FGGY: variants seen among roughly 807,000 people sequenced by gnomAD.
FGGY encodes the protein FGGY carbohydrate kinase domain containing, also known as FGGY carbohydrate kinase domain-containing protein.
Under a neutral mutation model 71.3 loss-of-function variants are expected in FGGY, and 72 were observed. The ratio of observed to expected loss-of-function variants is 1.01; its 90% CI spans 0.84 to 1.23. FGGY has a LOEUF of 1.23. Ranked by LOEUF, FGGY falls within the 50% of genes most tolerant of loss-of-function variation. FGGY has a pLI of 0.00. For synonymous variants in FGGY, 251 were observed against 250.3 expected (o/e 1.00, Z -0.02); for missense variants, 668 against 682.3 (o/e 0.98, Z 0.23).
chr1:59,440,111 A>AAC (rs1491009686), intron 5 of FGGY, among the ~76,000 whole-genome samples: 2 of 145,786 alleles, frequency 1.4e-5, no homozygotes, highest in Non-Finnish European at 3.0e-5. Context: ...AAAAAAAAAA[A>AAC]ACGGAAATGA....
chr1:59,693,015 A>G (rs1001898926), intron 14 of FGGY, among the ~76,000 whole-genome samples: 1 of 152,246 alleles, frequency 6.6e-6, no homozygotes. Flanking sequence ...GATAGTTATC[A>G]TTAATTTTAT....
intron 14 of FGGY, among the ~76,000 whole-genome samples, chr1:59,681,658 C>T (rs181140729): frequency 3.0e-4 from 45 of 151,886 alleles, no homozygotes; most frequent in African/African-American, 1.1e-3. Context: ...TTTTTCTTTA[C>T]ACTAAAATAA....
chr1:59,338,429 T>G (rs2050022519), intron 2 of FGGY, among the ~76,000 whole-genome samples: 1 of 152,180 alleles, frequency 6.6e-6, no homozygotes, highest in Non-Finnish European at 1.5e-5. Context: ...TCCTTAAATG[T>G]TTGATAAAAT....
chr1:59,650,064 C>T (rs1271730806), intron 11 of FGGY, among the ~76,000 whole-genome samples: 3 of 148,398 alleles, frequency 2.0e-5, no homozygotes, highest in Admixed American at 6.6e-5. Flanking sequence ...TATTGATTTG[C>T]GTATATTGAA....
chr1:59,522,051 G>A (rs954243025), intron 7 of FGGY, among the ~76,000 whole-genome samples: 10 of 152,122 alleles, frequency 6.6e-5, no homozygotes, highest in African/African-American at 1.4e-4. Context: ...CCTACCAATC[G>A]TTGAATACCT....
intron 14 of FGGY, among the ~76,000 whole-genome samples, chr1:59,709,996 T>C (rs1054622419): frequency 7.2e-5 from 11 of 152,122 alleles, no homozygotes; most frequent in African/African-American, 2.2e-4. Flanking sequence ...ACACCTATGC[T>C]CATCTTTATG....
At chr1:59,468,871 T>TC (rs1481370071) in intron 6 of FGGY, among the ~76,000 whole-genome samples, 1 of 141,800 alleles carries the variant, frequency 7.1e-6, no homozygotes, top group African/African-American at 2.7e-5. Context: ...GACTCTGTCT[T>TC]TAAAAAAAAA....
At chr1:59,347,762 A>G (rs2052382603) in intron 4 of FGGY, among the ~76,000 whole-genome samples, 1 of 152,174 alleles carries the variant, frequency 6.6e-6, no homozygotes, top group East Asian at 1.9e-4. Flanking sequence ...TATGGAGAAA[A>G]CTGAAACTGG....
intron 5 of FGGY, among the ~76,000 whole-genome samples, chr1:59,435,907 ATGTG>A (rs998343912): frequency 6.6e-6 from 1 of 152,072 alleles, no homozygotes; most frequent in African/African-American, 2.4e-5. Context: ...CGAGAAAGCA[ATGTG>A]TGTGCACTGA....
At chr1:59,349,393 C>T (rs1005657161) in intron 4 of FGGY, among the ~76,000 whole-genome samples, 2 of 152,120 alleles carry the variant, frequency 1.3e-5, no homozygotes, top group African/African-American at 2.4e-5. Context: ...GAGGATTGGG[C>T]GGAGGGTCAT....
intron 3 of FGGY, among the ~76,000 whole-genome samples, chr1:59,342,356 G>A (rs906307850): frequency 2.6e-5 from 4 of 152,172 alleles, no homozygotes; most frequent in Admixed American, 6.5e-5. Flanking sequence ...ACAGTTCCTT[G>A]TTAAATTTGC....
chr1:59,653,019 G>A (rs1180956563), intron 11 of FGGY, among the ~76,000 whole-genome samples: 2 of 152,170 alleles, frequency 1.3e-5, no homozygotes, highest in Non-Finnish European at 2.9e-5. Flanking sequence ...GCCGTGTGAG[G>A]TGTCAGTGTG....
At chr1:59,541,699 T>C (rs2095442318) in intron 7 of FGGY, among the ~76,000 whole-genome samples, 1 of 152,184 alleles carries the variant, frequency 6.6e-6, no homozygotes. Context: ...AAAAATAATA[T>C]GGATATGCAG....
At chr1:59,712,822 A>G (rs1236336237) in intron 14 of FGGY, among the ~76,000 whole-genome samples, 1 of 152,198 alleles carries the variant, frequency 6.6e-6, no homozygotes, top group East Asian at 1.9e-4. Context: ...GACCTGTGAC[A>G]TGCCCTAGAG....
intron 7 of FGGY, among the ~76,000 whole-genome samples, chr1:59,537,044 A>C (rs532026161): frequency 6.6e-6 from 1 of 152,018 alleles, no homozygotes; most frequent in African/African-American, 2.4e-5. Context: ...TTAGGAAAAG[A>C]GGAAGTCAAA....
chr1:59,741,558 C>T (rs112865542), intron 14 of FGGY, among the ~76,000 whole-genome samples: 1,787 of 152,162 alleles, frequency 0.012, 41 homozygotes, highest in African/African-American at 0.041. Flanking sequence ...TATAGCAGTG[C>T]GAGAACAAGC....
At chr1:59,652,749 A>G (rs2097176523) in intron 11 of FGGY, among the ~76,000 whole-genome samples, 1 of 151,614 alleles carries the variant, frequency 6.6e-6, no homozygotes, top group Non-Finnish European at 1.5e-5. Flanking sequence ...TTCTTCTCTC[A>G]GCTCGTCAAA....
At chr1:59,525,261 G>A (rs2094945769) in intron 7 of FGGY, among the ~76,000 whole-genome samples, 1 of 152,182 alleles carries the variant, frequency 6.6e-6, no homozygotes, top group South Asian at 2.1e-4. Flanking sequence ...ACTGCTCCAC[G>A]CCTGGGTCAC....
chr1:59,496,190 A>G (rs2094024919), intron 6 of FGGY, among the ~76,000 whole-genome samples: 1 of 152,052 alleles, frequency 6.6e-6, no homozygotes, highest in Admixed American at 6.6e-5. Context: ...CGTTGTAGAG[A>G]TCTTTCACCT....
Sources: allele counts gnomAD v4.1 joint callset (sites outside exome capture counted in the v4.1 genomes callset), GRCh38; gene constraint gnomAD v4.1.1; transcripts MANE v1.5; gene names NCBI Gene and HGNC (gene_info 2026-07-23, HGNC 2026-07-21).